SHB: variants seen among roughly 807,000 people sequenced by gnomAD.
SHB encodes the protein SH2 domain-containing adapter protein B.
A neutral mutation model predicts 52.3 loss-of-function variants in SHB; 20 were observed. That is an observed-to-expected ratio of 0.38 (90% CI 0.27 to 0.56). SHB has a LOEUF of 0.56. Ranked by LOEUF, SHB falls within the 20% of genes least tolerant of loss-of-function variation. SHB has a pLI of 0.71. For missense variants in SHB, 825 were observed against 723.3 expected (o/e 1.14, Z -1.61); for synonymous variants, 397 against 316.5 (o/e 1.25, Z -2.70).
chr9:37,995,149 G>A (rs376024839), intron 2 of SHB, among the ~76,000 whole-genome samples: 3 of 152,106 alleles, frequency 2.0e-5, no homozygotes, highest in East Asian at 1.9e-4. Context: ...AAGGGCAGGC[G>A]GGCGGCAGCT....
intron 1 of SHB, among the ~76,000 whole-genome samples, chr9:38,062,206 T>TA (rs1821903521): frequency 6.6e-6 from 1 of 152,196 alleles, no homozygotes; most frequent in Admixed American, 6.5e-5. Context: ...GCATATAGGT[T>TA]TTGAACTCAA....
chr9:37,974,127 G>A (rs1820624653), intron 3 of SHB, among the ~76,000 whole-genome samples: 1 of 152,078 alleles, frequency 6.6e-6, no homozygotes, highest in African/African-American at 2.4e-5. Context: ...ATTGTGGCAG[G>A]CACCTGTAAT....
At chr9:38,006,412 G>C (rs1209581708) in intron 2 of SHB, among the ~76,000 whole-genome samples, 1 of 152,194 alleles carries the variant, frequency 6.6e-6, no homozygotes, top group East Asian at 1.9e-4. Context: ...GCAGGGAGCT[G>C]GGCGGGTACA....
chr9:37,959,241 G>A (rs893840809), intron 3 of SHB, among the ~76,000 whole-genome samples: 1 of 152,138 alleles, frequency 6.6e-6, no homozygotes, highest in East Asian at 1.9e-4. Flanking sequence ...GCTTGGGGGA[G>A]GGTGATGCCC....
At chr9:38,067,225 G>T (rs1042271438) in intron 1 of SHB, among the ~76,000 whole-genome samples, 5 of 152,150 alleles carry the variant, frequency 3.3e-5, no homozygotes, top group Non-Finnish European at 5.9e-5. Flanking sequence ...GAGGGGTGGG[G>T]TCTCCTTCCA....
chr9:37,956,894 A>C (rs1832641922), intron 3 of SHB, among the ~76,000 whole-genome samples: 3 of 152,248 alleles, frequency 2.0e-5, no homozygotes, highest in African/African-American at 7.2e-5. Flanking sequence ...AAATCTTAGC[A>C]CTGTGCCTGT....
At chr9:37,936,040 T>TAAAAAA (rs1223430103) in intron 5 of SHB, among the ~76,000 whole-genome samples, 5 of 122,630 alleles carry the variant, frequency 4.1e-5, no homozygotes, top group African/African-American at 1.5e-4. Context: ...CCGTCTCTAC[T>TAAAAAA]AAAAAAAAAA....
At chr9:38,042,827 C>CCCAGG (rs756146275) in intron 1 of SHB, among the ~76,000 whole-genome samples, 24 of 152,294 alleles carry the variant, frequency 1.6e-4, no homozygotes, top group Admixed American at 3.9e-4. Flanking sequence ...AAATGTCCGC[C>CCCAGG]CCAGGCCAGG....
At chr9:37,927,823 G>C (rs1194680795) in intron 5 of SHB, among the ~76,000 whole-genome samples, 3 of 152,184 alleles carry the variant, frequency 2.0e-5, no homozygotes, top group Non-Finnish European at 4.4e-5. Context: ...TCAGCCAAGT[G>C]CACGTGGAAA....
chr9:38,054,543 C>T (rs1481720394), intron 1 of SHB, among the ~76,000 whole-genome samples: 1 of 152,200 alleles, frequency 6.6e-6, no homozygotes, highest in Non-Finnish European at 1.5e-5. Flanking sequence ...GACTTGGGCT[C>T]CATCAAGACC....
chr9:37,942,434 A>C (rs1832445086), intron 5 of SHB, among the ~76,000 whole-genome samples: 1 of 152,186 alleles, frequency 6.6e-6, no homozygotes, highest in Non-Finnish European at 1.5e-5. Context: ...CCCTCATTTT[A>C]TCGATGCAAG....
intron 2 of SHB, among the ~76,000 whole-genome samples, chr9:37,981,808 G>C (rs1011882477): frequency 7.2e-5 from 11 of 152,132 alleles, no homozygotes; most frequent in African/African-American, 2.7e-4. Context: ...CCCAAGGAGA[G>C]GGGAAGAGAT....
chr9:38,048,453 G>A (rs1023466492), intron 1 of SHB, among the ~76,000 whole-genome samples: 2 of 152,178 alleles, frequency 1.3e-5, no homozygotes, highest in African/African-American at 4.8e-5. Context: ...GGGCAGCACA[G>A]TGAGAGCCTG....
intron 1 of SHB, among the ~76,000 whole-genome samples, chr9:38,033,288 A>G (rs1821439688): frequency 6.6e-6 from 1 of 152,190 alleles, no homozygotes; most frequent in African/African-American, 2.4e-5. Flanking sequence ...CATCACCTCT[A>G]TGGGTGCCCC....
chr9:38,050,685 A>C (rs529971613), intron 1 of SHB, among the ~76,000 whole-genome samples: 1 of 152,368 alleles, frequency 6.6e-6, no homozygotes, highest in Admixed American at 6.5e-5. Context: ...ATTTACTTTC[A>C]GAGTAAGAAA....
intron 3 of SHB, among the ~76,000 whole-genome samples, chr9:37,964,665 G>A (rs1022572578): frequency 1.3e-5 from 2 of 151,988 alleles, no homozygotes; most frequent in Admixed American, 6.6e-5. Context: ...GGTCTCCTGA[G>A]TCCTGGAGGC....
At chr9:37,963,032 T>C (rs149362804) in intron 3 of SHB, among the ~76,000 whole-genome samples, 350 of 152,328 alleles carry the variant, frequency 2.3e-3, no homozygotes, top group Non-Finnish European at 4.0e-3. Flanking sequence ...CCTTGAGCCC[T>C]CTGCTTTGGG....
chr9:37,943,174 T>C (rs758267867), intron 5 of SHB, among the ~76,000 whole-genome samples: 27 of 152,210 alleles, frequency 1.8e-4, no homozygotes, highest in Admixed American at 1.0e-3. Flanking sequence ...GCCCATTCTC[T>C]CTGCAGCCTG....
In SHB at chr9:37,937,398, A is replaced by G. The variant is rs574765565; in HGVS notation, c.1346+11237T>C. ...TGGTTTTAATTAAAGCATTTGGAAT[A>G]AGCTAGCTTTGCCAAACCCAATTGT... On this transcript the variant is annotated intron_variant, in intron 5 of 5. Coordinates refer to ENST00000377707, the MANE Select transcript of SHB (RefSeq NM_003028.3). Among the ~76,000 whole-genome samples the G allele has an allele frequency of 2.6e-5, 4 of 152,366 alleles. No homozygotes were observed. The South Asian group carries it at 8.3e-4, about 32-fold the overall frequency.
Sources: allele counts gnomAD v4.1 joint callset (sites outside exome capture counted in the v4.1 genomes callset), GRCh38; gene constraint gnomAD v4.1.1; transcripts MANE v1.5; gene names NCBI Gene and HGNC (gene_info 2026-07-23, HGNC 2026-07-21).